Variants in ITGA11 observed in about 807,000 individuals in gnomAD.
ITGA11 encodes integrin alpha-11.
Under a neutral mutation model 141.9 loss-of-function variants are expected in ITGA11, and 97 were observed. The observed-to-expected ratio is 0.68, with a 90% CI of 0.58 to 0.81. ITGA11 has a LOEUF of 0.81. Among genes scored for constraint, ITGA11 ranks in the 30% least tolerant of loss-of-function variants. The probability of loss-of-function intolerance (pLI) is 0.00; values close to 1 mark genes in which losing one functional copy is unlikely to be tolerated. For synonymous variants in ITGA11, 658 were observed against 624.6 expected (o/e 1.05, Z -0.80); for missense variants, 1,387 against 1,559.2 (o/e 0.89, Z 1.86).
In ITGA11 at chr15:68,320,403, G is replaced by A. The variant is rs779944472; in HGVS notation, c.2409-11C>T. 3 of 1,564,402 alleles carry A rather than the reference G, an allele frequency of 1.9e-6. No individual in the cohort carries two copies. The African/African-American group carries it at 4.1e-5, about 21-fold the overall frequency. The stretch of plus-strand genomic sequence containing the variant: ...CTCTGGCAGTACTCCCTGAGAACAA[G>A]AGACCACCAGAGACTGGGCAGATGG... On this transcript the variant is annotated splice_polypyrimidine_tract_variant and intron_variant, in intron 19 of 29. Transcript: ENST00000315757.
At position 68,303,267 on chromosome 15, in the gene ITGA11, C is replaced by T. The variant is rs549799133; in HGVS notation, c.3496-137G>A. The T allele has an allele frequency of 1.4e-6, 1 of 727,612 alleles. No homozygotes were observed. The highest frequency in any genetic ancestry group is 1.6e-5 in the South Asian group (1 of 62,174). 45.1% of individuals were successfully genotyped at this position (727,612 alleles called of 1,614,324 possible). A position where few individuals can be genotyped will look rare whatever the true frequency, so the allele number is the denominator to read the frequency against. The stretch of plus-strand genomic sequence containing the variant: ...TACCCCCAGCTCATTCTGAGCACCC[C>T]CTCCTCCAGAACTGCCTCTGTGGAC... On this transcript the variant is annotated intron_variant, in intron 29 of 29. Coordinates refer to ENST00000315757, the MANE Select transcript of ITGA11 (RefSeq NM_001004439.2). The surrounding 1 kb of genome is among the most constrained non-coding windows in gnomAD (Gnocchi z 5.3).
chr15:68,348,997 A>G, intron 9 of ITGA11, 97 bp from the exon 10 acceptor site: 1 of 1,075,852 alleles, frequency 9.3e-7, no homozygotes, highest in Non-Finnish European at 1.4e-6. Flanking sequence ...TCCTGGGGGC[A>G]TCGTCAGGAG....
At chr15:68,355,455 C>CT (rs937216797) in intron 7 of ITGA11, among the ~76,000 whole-genome samples, 47 of 146,624 alleles carry the variant, frequency 3.2e-4, no homozygotes, top group South Asian at 6.5e-4. Context: ...TTCTTTTTTT[C>CT]TTTTTTTTTT....
intron 2 of ITGA11, among the ~76,000 whole-genome samples, chr15:68,395,554 G>A (rs1896212085): frequency 6.7e-6 from 1 of 149,420 alleles, no homozygotes; most frequent in African/African-American, 2.5e-5. Context: ...TAGCTGATTC[G>A]ATCAAGTGTA....
At chr15:68,387,458 A>C (rs1896014325) in intron 2 of ITGA11, among the ~76,000 whole-genome samples, 1 of 152,128 alleles carries the variant, frequency 6.6e-6, no homozygotes, top group African/African-American at 2.4e-5. Flanking sequence ...CCTCACTCAG[A>C]CCTACTGAAT....
intron 2 of ITGA11, 75 bp from the exon 3 acceptor site, chr15:68,369,359 CAGTGTGGAGGTGAAGTT>C: frequency 7.2e-6 from 2 of 277,112 alleles, no homozygotes; most frequent in Non-Finnish European, 6.7e-6. Context: ...GCCTGGTGGG[CAGTGTGGAGGTGAAGTT>C]GGGTGGGGAG....
intron 2 of ITGA11, among the ~76,000 whole-genome samples, chr15:68,372,505 C>T (rs915835415): frequency 2.6e-5 from 4 of 152,218 alleles, no homozygotes; most frequent in Non-Finnish European, 4.4e-5. Context: ...TCACTGGCTG[C>T]GGGCTCCCAG....
Position 68,393,799 on chromosome 15 carries a change from G to T in ITGA11, c.164+9119C>A, listed in dbSNP as rs75367133. On this transcript the variant is annotated intron_variant, in intron 2 of 29. Coordinates refer to ENST00000315757, the MANE Select transcript of ITGA11 (RefSeq NM_001004439.2). ...TAAAAGAGACGAAGAACACCAGAAA[G>T]GGTAGCTATGTGGATAAGTAGACAT... 9.7e-3 allele frequency among the ~76,000 whole-genome samples: 1,473 copies of T among 152,234 alleles called. 23 individuals carry two copies. Among genetic ancestry groups the T allele is most frequent in the African/African-American group, 0.033 (1,376 of 41,544 alleles).
rs888112766 is a variant in ITGA11, at chr15:68,303,427, G to C, written c.3496-297C>G. Among the ~76,000 whole-genome samples, 3 of 152,188 alleles carry C rather than the reference G, an allele frequency of 2.0e-5. No homozygotes were observed. The highest frequency in any genetic ancestry group is 4.4e-5 in the Non-Finnish European group (3 of 68,034). ...TAACAGGAGGAGGCTGAGACCAGGG[G>C]TTTGTAACCAGAGCTTCAGAGACAG... On this transcript the variant is annotated intron_variant, in intron 29 of 29. Coordinates refer to ENST00000315757, the MANE Select transcript of ITGA11 (RefSeq NM_001004439.2). The surrounding 1 kb of genome is among the most constrained non-coding windows in gnomAD (Gnocchi z 5.3).
intron 10 of ITGA11, 118 bp downstream of exon 10, chr15:68,348,712 G>C: frequency 1.2e-6 from 1 of 825,240 alleles, no homozygotes; most frequent in Non-Finnish European, 2.0e-6. Context: ...GAGAGAAAGT[G>C]AGGAGAAGAG....
intron 10 of ITGA11, among the ~76,000 whole-genome samples, chr15:68,348,103 T>TC: frequency 6.6e-6 from 1 of 152,214 alleles, no homozygotes; most frequent in East Asian, 1.9e-4. Flanking sequence ...GACTCTTCTG[T>TC]CCCCCTTGCA....
Position 68,432,051 on chromosome 15 carries a change from C to T in ITGA11, c.16G>A (p.Gly6Ser). The change falls in exon 1 of 30, where the codon GGC (glycine) becomes AGC (serine). Residue 6 changes from glycine (G) to serine (S), a missense_variant. Transcript: ENST00000315757. ...CTGAGCGCCCAGGCCACCACCAGGC[C>T]CCTGGGCAGGTCCATGGCCCGCGGC... MDLPR[G>S]LVVAWALSLW... is the part of the protein sequence containing the mutation. The T allele has an allele frequency of 3.7e-6, 5 of 1,360,740 alleles. No individual in the cohort carries two copies. The highest frequency in any genetic ancestry group is 4.7e-6 in the Non-Finnish European group (5 of 1,057,398). The allele number at this position is 1,360,740 out of a possible 1,614,324, so 84.3% of individuals were successfully genotyped here.
At chr15:68,349,185 G>A (rs1324151683) in intron 9 of ITGA11, among the ~76,000 whole-genome samples, 2 of 152,210 alleles carry the variant, frequency 1.3e-5, no homozygotes, top group Admixed American at 6.5e-5. Context: ...TATATTACAG[G>A]GCATGTATAC....
chr15:68,331,751 A>T, intron 14 of ITGA11, 108 bp downstream of exon 14: 1 of 966,168 alleles, frequency 1.0e-6, no homozygotes, highest in Non-Finnish European at 1.6e-6. Context: ...CGTTTCTGTG[A>T]GAGGGCCTGG....
chr15:68,355,794 T>G (rs1168955369), intron 7 of ITGA11, among the ~76,000 whole-genome samples: 1 of 151,896 alleles, frequency 6.6e-6, no homozygotes, highest in African/African-American at 2.4e-5. Context: ...ACACGTCAAC[T>G]AACCCTACCT....
rs1299303220 is a variant in ITGA11, at chr15:68,317,359, T to C, written c.2621A>G (p.Asp874Gly). 3 of 1,611,658 alleles carry C rather than the reference T, an allele frequency of 1.9e-6. No individual in the cohort carries two copies. In the East Asian group the frequency reaches 6.7e-5, roughly 36 times the overall value. The change falls in exon 21 of 30, where the codon GAC becomes GGC. Residue 874 changes from aspartate to glycine, a missense_variant. By Grantham distance (94) the Asp-to-Gly change is moderately conservative. Transcript: ENST00000315757. Reference sequence around the variant, plus strand: ...CACACACTCAATGCTACCGTCTGAGTCCTCCTGGAGGTGGGTGGCAGACAT... The same window carrying C: ...CACACACTCAATGCTACCGTCTGAGCCCTCCTGGAGGTGGGTGGCAGACAT... ...LQFASLIQKE[D>G]SDGSIECVNE...
intron 2 of ITGA11, among the ~76,000 whole-genome samples, chr15:68,398,026 C>T (rs1369954014): frequency 6.6e-6 from 1 of 150,848 alleles, no homozygotes; most frequent in Admixed American, 6.6e-5. Context: ...AAAGGAACAA[C>T]CGGTACCAGC....
rs754430765 is a variant in ITGA11 at position 68,313,819 on chromosome 15, G to A, written c.2842C>T (p.Arg948Cys). The change falls in exon 23 of 30, where the codon CGC (arginine) becomes TGC (cysteine). Residue 948 changes from arginine (R) to cysteine (C), a missense_variant. Physicochemically the swap from Arg to Cys is radical, Grantham distance 180. Transcript: ENST00000315757. ...STKEDNVAPL[R>C]FHLKYEADVL... is the part of the protein sequence containing the mutation. ...TCAGCCTCGTATTTGAGGTGGAAGC[G>A]TAAGGGGGCCACGTTGTCTTCCTTG... 1.9e-5 allele frequency: 31 copies of A among 1,613,868 alleles called. No homozygotes were observed. The highest frequency in any genetic ancestry group is 2.7e-5 in the African/African-American group (2 of 74,924).
chr15:68,377,688 A>G (rs1162696591), intron 2 of ITGA11, among the ~76,000 whole-genome samples: 1 of 152,258 alleles, frequency 6.6e-6, no homozygotes, highest in Non-Finnish European at 1.5e-5. Flanking sequence ...AAAAACTGGA[A>G]TCACTCTACA....
Sources: gnomAD v4.1 joint callset for allele counts (sites outside exome capture counted in the v4.1 genomes callset) on GRCh38, gnomAD v4.1.1 for gene constraint, Gnocchi (gnomAD v3.1) non-coding constraint, MANE v1.5 for transcripts, NCBI Gene and HGNC (gene_info 2026-07-23, HGNC 2026-07-21) for gene names.